Variants in PLSCR2 observed in about 807,000 individuals in gnomAD.
PLSCR2 encodes the protein PL scramblase 2.
PLSCR2 carries 18 observed loss-of-function variants against 25.3 expected under a neutral mutation model. The observed-to-expected ratio is 0.71, with a 90% CI of 0.49 to 1.06. The LOEUF is 1.06. Ranked by LOEUF, PLSCR2 falls within the 50% of genes least tolerant of loss-of-function variation. The pLI is 0.00. For synonymous variants in PLSCR2, 88 were observed against 87.3 expected (o/e 1.01, Z -0.04); for missense variants, 243 against 269.5 (o/e 0.90, Z 0.69).
intron 8 of PLSCR2, among the ~76,000 whole-genome samples, chr3:146,435,428 C>T (rs1457663801): frequency 6.6e-6 from 1 of 152,190 alleles, no homozygotes; most frequent in Non-Finnish European, 1.5e-5. Context: ...TCCTCTCCAG[C>T]ATCTGTTGTT....
intron 2 of PLSCR2, among the ~76,000 whole-genome samples, chr3:146,401,070 C>T (rs1313410381): frequency 6.6e-6 from 1 of 151,964 alleles, no homozygotes; most frequent in Admixed American, 6.6e-5. Flanking sequence ...GAGGTAGAGT[C>T]TTTGCCACTT....
chr3:146,458,368 T>C, intron 3 of PLSCR2, 43 bp downstream of exon 3: 1 of 1,446,236 alleles, frequency 6.9e-7, no homozygotes, highest in Non-Finnish European at 9.3e-7. Flanking sequence ...TTGCATAAAC[T>C]TCTTCTCTTT....
rs150039883 is a variant in PLSCR2, at chr3:146,424,071, C to T, written c.101-28150G>A. Among the ~76,000 whole-genome samples the T allele has an allele frequency of 9.4e-4, 142 of 151,184 alleles. 1 individual carries two copies. The highest frequency in any genetic ancestry group is 3.2e-3 in the African/African-American group (131 of 41,160). ...ATGGGTGCAGCAAACCACCATGGCA[C>T]GTGTATACCTATGTAACAAAACTGC... On this transcript the variant is annotated intron_variant and NMD_transcript_variant, in intron 2 of 3. Transcript: ENST00000463633.
At chr3:146,441,764 C>T in exon 7 of PLSCR2, 1 of 1,543,324 alleles carries the variant, frequency 6.5e-7, no homozygotes, top group Non-Finnish European at 8.9e-7. Context: ...TTACATTAAT[C>T]CACTCCCACA....
intron 2 of PLSCR2, among the ~76,000 whole-genome samples, chr3:146,417,836 T>A (rs894353552): frequency 4.6e-5 from 7 of 152,180 alleles, no homozygotes; most frequent in Admixed American, 4.6e-4. Flanking sequence ...ATTTAACAAA[T>A]ACTCACATGT....
chr3:146,479,368 A>T (rs1026678786), intron 1 of PLSCR2, among the ~76,000 whole-genome samples: 4 of 152,228 alleles, frequency 2.6e-5, no homozygotes, highest in African/African-American at 9.6e-5. Flanking sequence ...AGAGACACAC[A>T]TAGGCTCAAA....
At chr3:146,414,563 A>T (rs960453035) in intron 2 of PLSCR2, among the ~76,000 whole-genome samples, 6 of 151,948 alleles carry the variant, frequency 3.9e-5, no homozygotes, top group African/African-American at 9.7e-5. Context: ...TTTTAGTTTT[A>T]GAATCGCTAA....
chr3:146,457,188 T>C (rs1488249148), intron 3 of PLSCR2, among the ~76,000 whole-genome samples: 1 of 152,202 alleles, frequency 6.6e-6, no homozygotes, highest in Admixed American at 6.5e-5. Context: ...CTTGTACAAT[T>C]CAAGTTATAA....
downstream of PLSCR2, among the ~76,000 whole-genome samples, chr3:146,431,483 C>T (rs2039543654): frequency 6.6e-6 from 1 of 152,142 alleles, no homozygotes; most frequent in South Asian, 2.1e-4. Flanking sequence ...TTGGCCAAGA[C>T]CCTACAGTTT....
At chr3:146,395,459 A>G (rs935279538) in intron 3 of PLSCR2, among the ~76,000 whole-genome samples, 2 of 152,202 alleles carry the variant, frequency 1.3e-5, no homozygotes, top group Non-Finnish European at 2.9e-5. Flanking sequence ...TAAATTTTAC[A>G]TTGTAAGAGA....
chr3:146,495,909 T>C, exon 1 of PLSCR2: 1 of 1,535,696 alleles, frequency 6.5e-7, no homozygotes. Context: ...GAGGTGAATT[T>C]GAAAAGGCTT....
downstream of PLSCR2, among the ~76,000 whole-genome samples, chr3:146,432,335 C>A (rs1049749727): frequency 5.3e-5 from 8 of 152,142 alleles, no homozygotes; most frequent in East Asian, 3.9e-4. Context: ...CCTTTCCCTA[C>A]CAAAATCCTG....
chr3:146,463,861 A>G, upstream of PLSCR2: 2 of 979,782 alleles, frequency 2.0e-6, no homozygotes, highest in Non-Finnish European at 2.4e-6. Flanking sequence ...ATTTTTTATG[A>G]TTACCAACTT....
upstream of PLSCR2, among the ~76,000 whole-genome samples, chr3:146,462,712 A>G (rs567320189): frequency 5.3e-5 from 8 of 152,124 alleles, no homozygotes; most frequent in South Asian, 1.5e-3. Context: ...TGATCTGCCC[A>G]CTGCGGCCTC....
chr3:146,439,576 G>A (rs1452849979), downstream of PLSCR2, among the ~76,000 whole-genome samples: 1 of 151,550 alleles, frequency 6.6e-6, no homozygotes, highest in Non-Finnish European at 1.5e-5. Context: ...TGGGTACTGT[G>A]TGCATGCATC....
At chr3:146,482,772 A>T (rs976811871) in intron 1 of PLSCR2, among the ~76,000 whole-genome samples, 2 of 152,204 alleles carry the variant, frequency 1.3e-5, no homozygotes, top group Non-Finnish European at 2.9e-5. Context: ...AGACACATGA[A>T]CACGTATATT....
rs560341827 is a variant in PLSCR2 at position 146,465,594 on chromosome 3, A to G, written c.-292-5310T>C. The stretch of plus-strand genomic sequence containing the variant: ...CCACAAAAAAAAAAAAAAAATCACA[A>G]TATAAAACAGTTCATATTCTTCTCA... On this transcript the variant is annotated intron_variant, in intron 1 of 8. Transcript: ENST00000336685. Among the ~76,000 whole-genome samples the G allele has an allele frequency of 2.0e-5, 3 of 152,088 alleles. No homozygotes were observed. In the East Asian group the frequency reaches 5.8e-4, roughly 29 times the overall value.
intron 6 of PLSCR2, among the ~76,000 whole-genome samples, chr3:146,442,953 A>C (rs552454952): frequency 6.6e-6 from 1 of 152,206 alleles, no homozygotes; most frequent in African/African-American, 2.4e-5. Context: ...AAAAGAGACA[A>C]AGGGAATTGC....
chr3:146,477,608 C>G (rs922555095), intron 1 of PLSCR2, among the ~76,000 whole-genome samples: 1 of 152,226 alleles, frequency 6.6e-6, no homozygotes, highest in Non-Finnish European at 1.5e-5. Context: ...GAGCCCACCA[C>G]AGCTCAGCAA....
Sources: allele counts gnomAD v4.1 joint callset (sites outside exome capture counted in the v4.1 genomes callset), GRCh38; gene constraint gnomAD v4.1.1; transcripts MANE v1.5; gene names NCBI Gene and HGNC (gene_info 2026-07-23, HGNC 2026-07-21).